The following SLC45A3 variants were observed in gnomAD, a reference collection of about 807,000 sequenced individuals.
The protein encoded by SLC45A3 is solute carrier family 45 member 3.
SLC45A3 carries 17 observed loss-of-function variants against 35.3 expected under a neutral mutation model. That is an observed-to-expected ratio of 0.48 (90% CI 0.33 to 0.72). The LOEUF (loss-of-function observed/expected upper bound fraction) is 0.72, where lower values mean the gene tolerates loss of function less well. SLC45A3 is among the 30% of genes least tolerant of loss of function. SLC45A3 has a pLI of 0.02. For synonymous variants in SLC45A3, 288 were observed against 334.3 expected (o/e 0.86, Z 1.51); for missense variants, 597 against 731.7 (o/e 0.82, Z 2.12).
In SLC45A3 at chr1:205,679,878, G is replaced by A. The variant is rs562773046; in HGVS notation, c.-231+516C>T. On this transcript the variant is annotated intron_variant, in intron 1 of 4. Coordinates refer to ENST00000367145, the MANE Select transcript of SLC45A3 (RefSeq NM_033102.3). ...CGCCGCGGCCGTCGGCTCCCGTCCCGGCTCCCCCAAGTCCCGGACTGTGCG... is the reference window on the plus strand; with the variant it reads ...CGCCGCGGCCGTCGGCTCCCGTCCCAGCTCCCCCAAGTCCCGGACTGTGCG... Among the ~76,000 whole-genome samples, 236 of 152,096 alleles carry A rather than the reference G, an allele frequency of 1.6e-3. 1 individual carries two copies. The highest frequency in any genetic ancestry group is 0.013 in the South Asian group (62 of 4,820).
intron 1 of SLC45A3, among the ~76,000 whole-genome samples, chr1:205,668,427 C>T (rs1671153122): frequency 6.6e-6 from 1 of 152,058 alleles, no homozygotes; most frequent in South Asian, 2.1e-4. Context: ...CTTTTCTGGC[C>T]ACCACTCCCA....
chr1:205,669,093 T>G lies in SLC45A3; in HGVS notation c.-230-4207A>C, dbSNP rs950057804. 2.6e-5 allele frequency among the ~76,000 whole-genome samples: 4 copies of G among 151,830 alleles called. No individual in the cohort carries two copies. Among genetic ancestry groups the G allele is most frequent in the Non-Finnish European group, 5.9e-5 (4 of 67,962 alleles). On this transcript the variant is annotated intron_variant, in intron 1 of 4. Transcript: ENST00000367145. This position sits in a 1 kb window ranked among gnomAD's most constrained non-coding sequence, Gnocchi z 4.1. ...TGAATGAATGGCTAAGAGCAAGGGGTGGCAGTAGAAGCAAGGGTGAGGGCT... is the reference window on the plus strand; with the variant it reads ...TGAATGAATGGCTAAGAGCAAGGGGGGGCAGTAGAAGCAAGGGTGAGGGCT...
At chr1:205,676,467 C>T (rs938460207) in intron 1 of SLC45A3, among the ~76,000 whole-genome samples, 3 of 152,308 alleles carry the variant, frequency 2.0e-5, no homozygotes, top group South Asian at 4.1e-4. Context: ...GGGAAAGGAA[C>T]AAACATCTAT....
rs555347637 is a variant in SLC45A3, at chr1:205,662,173, C to T, written c.959-47G>A. The T allele has an allele frequency of 3.8e-6, 6 of 1,577,622 alleles. No homozygotes were observed. In the Admixed American group the frequency reaches 7.0e-5, roughly 18 times the overall value. ...CAGACAGAGCCTGGGAGGGAAGGGT[C>T]GGAGCAGTCTCAGGGAGATGAGAAG... On this transcript the variant is annotated intron_variant, in intron 3 of 4. Coordinates refer to ENST00000367145, the MANE Select transcript of SLC45A3 (RefSeq NM_033102.3). The surrounding 1 kb of genome is among the most constrained non-coding windows in gnomAD (Gnocchi z 6.2).
At chr1:205,671,359 A>G (rs1158941866) in intron 1 of SLC45A3, among the ~76,000 whole-genome samples, 1 of 152,224 alleles carries the variant, frequency 6.6e-6, no homozygotes, top group Non-Finnish European at 1.5e-5. Flanking sequence ...AACCAGGACC[A>G]GCAGTGCTCT....
chr1:205,673,477 A>G (rs1373582322), intron 1 of SLC45A3, among the ~76,000 whole-genome samples: 1 of 152,216 alleles, frequency 6.6e-6, no homozygotes, highest in Non-Finnish European at 1.5e-5. Flanking sequence ...CTCCCTGTCC[A>G]TGTACAGCCA....
At chr1:205,661,313 G>A (rs1358185577) in intron 4 of SLC45A3, among the ~76,000 whole-genome samples, 5 of 152,210 alleles carry the variant, frequency 3.3e-5, no homozygotes, top group Non-Finnish European at 5.9e-5. Context: ...GAAAGGGAAG[G>A]AGGCAAAGGA....
intron 1 of SLC45A3, among the ~76,000 whole-genome samples, chr1:205,677,195 C>T (rs533166806): frequency 5.3e-5 from 8 of 152,308 alleles, no homozygotes; most frequent in Middle Eastern, 3.4e-3. Flanking sequence ...GGGGTTTCTG[C>T]ACTAATTAAA....
intron 1 of SLC45A3, among the ~76,000 whole-genome samples, chr1:205,678,177 C>T (rs1671341852): frequency 6.6e-6 from 1 of 152,096 alleles, no homozygotes; most frequent in African/African-American, 2.4e-5. Flanking sequence ...ATTAGCCAGG[C>T]ATGGTGGTGG....
At position 205,662,396 on chromosome 1, in the gene SLC45A3, G is replaced by C. The variant is rs1173343630; in HGVS notation, c.959-270C>G. On this transcript the variant is annotated intron_variant, in intron 3 of 4. Transcript: ENST00000367145. This position sits in a 1 kb window ranked among gnomAD's most constrained non-coding sequence, Gnocchi z 6.2. Reference sequence around the variant, plus strand: ...GGAGTCTCAGCTGTGAGGACAGGCGGGTGAGAGGGAACACAAAGACAGCTG... The same window carrying C: ...GGAGTCTCAGCTGTGAGGACAGGCGCGTGAGAGGGAACACAAAGACAGCTG... The C allele has an allele frequency of 2.2e-6, 3 of 1,367,514 alleles. No individual in the cohort carries two copies. Among genetic ancestry groups the C allele is most frequent in the Non-Finnish European group, 2.8e-6 (3 of 1,063,646 alleles). 84.7% of individuals were successfully genotyped at this position (1,367,514 alleles called of 1,614,324 possible).
chr1:205,675,447 T>C (rs2102410167), intron 1 of SLC45A3, among the ~76,000 whole-genome samples: 1 of 152,246 alleles, frequency 6.6e-6, no homozygotes, highest in Non-Finnish European at 1.5e-5. Flanking sequence ...GGCCTTCACT[T>C]TGGGGTATTG....
rs41304251 is a variant in SLC45A3, at chr1:205,662,394, C to T, written c.959-268G>A. 0.018 allele frequency: 24,191 copies of T among 1,368,256 alleles called. 426 individuals carry two copies. The highest frequency in any genetic ancestry group is 0.075 in the African/African-American group (5,160 of 68,554). 84.8% of individuals were successfully genotyped at this position (1,368,256 alleles called of 1,614,324 possible). On this transcript the variant is annotated intron_variant, in intron 3 of 4. Transcript: ENST00000367145. This position sits in a 1 kb window ranked among gnomAD's most constrained non-coding sequence, Gnocchi z 6.2. ...TGGGAGTCTCAGCTGTGAGGACAGGCGGGTGAGAGGGAACACAAAGACAGC... is the reference window on the plus strand; with the variant it reads ...TGGGAGTCTCAGCTGTGAGGACAGGTGGGTGAGAGGGAACACAAAGACAGC...
In SLC45A3 at chr1:205,664,653, C is replaced by T; in HGVS notation, c.4G>A (p.Val2Ile). 2 of 1,614,076 alleles carry T rather than the reference C, an allele frequency of 1.2e-6. No individual in the cohort carries two copies. The highest frequency in any genetic ancestry group is 2.2e-5 in the East Asian group (1 of 44,888). The part of the protein sequence containing the change: M[V>I]QRLWVSRLLR... Reference sequence around the variant, plus strand: ...AGGCGGCTCACCCACAGCCTCTGGACCATAGTGGGCCAGGCGGGTAGGGCT... The same window carrying T: ...AGGCGGCTCACCCACAGCCTCTGGATCATAGTGGGCCAGGCGGGTAGGGCT... The change falls in exon 2 of 5, where the codon GTC (valine) becomes ATC (isoleucine). Residue 2 changes from valine to isoleucine, a missense_variant. Transcript: ENST00000367145. This position sits in a 1 kb window ranked among gnomAD's most constrained non-coding sequence, Gnocchi z 5.3.
Position 205,658,873 on chromosome 1 carries a change from T to G in SLC45A3, c.*361A>C, listed in dbSNP as rs931027191. 2.4e-4 allele frequency: 68 copies of G among 278,054 alleles called. No individual in the cohort carries two copies. The highest frequency in any genetic ancestry group is 1.3e-3 in the African/African-American group (61 of 46,886). The allele number at this position is 278,054 out of a possible 1,614,324, so 17.2% of individuals were successfully genotyped here. On this transcript the variant is annotated 3_prime_UTR_variant, in exon 5 of 5. Coordinates refer to ENST00000367145, the MANE Select transcript of SLC45A3 (RefSeq NM_033102.3). ...GAGTTTATTCAGCTCCCAAAAACCC[T>G]TCTCTAGGTGTGTCTCAACTAGGAG...
chr1:205,659,033 GA>G lies in SLC45A3; in HGVS notation c.*200del. The G allele has an allele frequency of 1.7e-6, 1 of 603,296 alleles. No individual in the cohort carries two copies. Among genetic ancestry groups the G allele is most frequent in the South Asian group, 2.0e-5 (1 of 48,878 alleles). 37.4% of individuals were successfully genotyped at this position (603,296 alleles called of 1,614,324 possible). On this transcript the variant is annotated 3_prime_UTR_variant, in exon 5 of 5. Coordinates refer to ENST00000367145, the MANE Select transcript of SLC45A3 (RefSeq NM_033102.3). This position sits in a 1 kb window ranked among gnomAD's most constrained non-coding sequence, Gnocchi z 5.8. ...AGGCCTCCAGTCAGGCAGCCCTAGAGACTGGGGAGAGAGGAGAGGGACGCCC... is the reference window on the plus strand; with the variant it reads ...AGGCCTCCAGTCAGGCAGCCCTAGAGCTGGGGAGAGAGGAGAGGGACGCCC...
chr1:205,670,539 C>A (rs1049840772), intron 1 of SLC45A3, among the ~76,000 whole-genome samples: 4 of 152,128 alleles, frequency 2.6e-5, no homozygotes, highest in African/African-American at 9.7e-5. Context: ...GACGGGGGAC[C>A]CCAGCCCCAT....
intron 1 of SLC45A3, among the ~76,000 whole-genome samples, chr1:205,678,578 G>A (rs1032317547): frequency 6.6e-6 from 1 of 152,062 alleles, no homozygotes; most frequent in Non-Finnish European, 1.5e-5. Context: ...CTCCTTCAAC[G>A]TTATTCAGGG....
intron 1 of SLC45A3, among the ~76,000 whole-genome samples, chr1:205,673,370 C>G (rs979144553): frequency 6.6e-6 from 1 of 152,194 alleles, no homozygotes; most frequent in East Asian, 1.9e-4. Flanking sequence ...ATTCCTTCCC[C>G]CCATCCTGCC....
chr1:205,658,066 G>A lies in SLC45A3; in HGVS notation c.*1168C>T, dbSNP rs1670955238. On this transcript the variant is annotated 3_prime_UTR_variant, in exon 5 of 5. Transcript: ENST00000367145. ...CCCCAAGCACAGATATACTCTGGGG[G>A]CTGAGATGGACAAAGGCTTGGGAAA... 4.4e-6 allele frequency: 1 copy of A among 228,336 alleles called. No individual in the cohort carries two copies. Among genetic ancestry groups the A allele is most frequent in the African/African-American group, 2.2e-5 (1 of 44,978 alleles). 14.1% of individuals were successfully genotyped at this position (228,336 alleles called of 1,614,324 possible). A position where few individuals can be genotyped will look rare whatever the true frequency, so the allele number is the denominator to read the frequency against.
Sources: allele counts gnomAD v4.1 joint callset (sites outside exome capture counted in the v4.1 genomes callset), GRCh38; gene constraint gnomAD v4.1.1; non-coding constraint Gnocchi (gnomAD v3.1); transcripts MANE v1.5; gene names NCBI Gene and HGNC (gene_info 2026-07-23, HGNC 2026-07-21).